The following VPS13C variants were observed in gnomAD, a reference collection of about 807,000 sequenced individuals.
The protein encoded by VPS13C is vacuolar protein sorting 13 homolog C.
A neutral mutation model predicts 456.8 loss-of-function variants in VPS13C; 358 were observed. That is an observed-to-expected ratio of 0.78 (90% confidence interval 0.72 to 0.86). The LOEUF is 0.86. VPS13C is among the 40% of genes least tolerant of loss of function. VPS13C has a pLI of 0.00. For synonymous variants in VPS13C, 1,578 were observed against 1,486.7 expected, an observed-to-expected ratio of 1.06 and a Z score of -1.41; for missense variants, 4,818 against 4,385.4, an observed-to-expected ratio of 1.10 and a Z score of -2.79.
chr15:62,044,833 G>A (rs1343737982), intron 1 of VPS13C, among the ~76,000 whole-genome samples: 3 of 151,900 alleles, frequency 2.0e-5, no homozygotes, highest in Admixed American at 2.0e-4. Context: ...CACTATCCCT[G>A]TATTTGTTGA....
At chr15:61,939,545 C>A (rs1318535548) in intron 47 of VPS13C, among the ~76,000 whole-genome samples, 1 of 152,118 alleles carries the variant, frequency 6.6e-6, no homozygotes, top group Non-Finnish European at 1.5e-5. Context: ...TTTGTTTAGT[C>A]TCTCTCACCC....
At position 61,902,244 on chromosome 15, in the gene VPS13C, T is replaced by G. The variant is rs993867151; in HGVS notation, c.9105+5020A>C. ...ACCTGCACAATGTGCACATGTACCC[T>G]AAAACTTAAAGTATAATAATAAAAG... On this transcript the variant is annotated intron_variant, in intron 66 of 84. Coordinates refer to ENST00000644861, the MANE Select transcript of VPS13C (RefSeq NM_020821.3). 2.0e-5 allele frequency among the ~76,000 whole-genome samples: 3 copies of G among 147,724 alleles called. No individual in the cohort carries two copies. The East Asian group carries it at 6.0e-4, about 29-fold the overall frequency.
intron 6 of VPS13C, 83 bp downstream of exon 6, chr15:62,028,275 C>T: frequency 7.1e-7 from 1 of 1,404,956 alleles, no homozygotes. Context: ...GGATGGCATG[C>T]CATCAAATGG....
At position 61,972,753 on chromosome 15, in the gene VPS13C, C is replaced by T. The variant is rs752621926; in HGVS notation, c.2629G>A (p.Glu877Lys). 51 of 1,609,936 alleles carry T rather than the reference C, an allele frequency of 3.2e-5. No homozygotes were observed. The highest frequency in any genetic ancestry group is 4.2e-5 in the Non-Finnish European group (49 of 1,178,186). ...LDTVESESDD[E>K]YFDAEDGEPQ... ...TCTCCATCTTCAGCATCAAAATACT[C>T]ATCATCAGACTCTAAAGGAAAAAGA... The change falls in exon 27 of 85, where the codon GAG becomes AAG. Residue 877 changes from glutamate to lysine, a missense_variant. Coordinates refer to ENST00000644861, the MANE Select transcript of VPS13C (RefSeq NM_020821.3).
intron 69 of VPS13C, among the ~76,000 whole-genome samples, chr15:61,882,308 G>A (rs1895915236): frequency 6.6e-6 from 1 of 152,062 alleles, no homozygotes; most frequent in Non-Finnish European, 1.5e-5. Flanking sequence ...GACGACAAAG[G>A]AAAATCTTAT....
intron 15 of VPS13C, 94 bp downstream of exon 15, chr15:62,007,214 T>G: frequency 3.9e-6 from 4 of 1,013,230 alleles, no homozygotes; most frequent in Non-Finnish European, 5.2e-6. Context: ...ATTCTGTTCT[T>G]CCTAAAATTA....
chr15:61,861,229 G>C (rs1024796056), intron 82 of VPS13C, among the ~76,000 whole-genome samples: 1 of 152,012 alleles, frequency 6.6e-6, no homozygotes, highest in African/African-American at 2.4e-5. Flanking sequence ...TCTCAAAAGT[G>C]CTGGGATTAC....
At chr15:62,031,898 T>C (rs540691918) in intron 5 of VPS13C, among the ~76,000 whole-genome samples, 1 of 151,894 alleles carries the variant, frequency 6.6e-6, no homozygotes, top group Non-Finnish European at 1.5e-5. Flanking sequence ...CCAATTAAAC[T>C]GTCAATCACG....
intron 17 of VPS13C, 44 bp downstream of exon 17, chr15:61,991,629 T>C: frequency 6.5e-7 from 1 of 1,531,708 alleles, no homozygotes; most frequent in Non-Finnish European, 8.8e-7. Context: ...ACAGTTTTTT[T>C]TTAACTTAAC....
intron 79 of VPS13C, among the ~76,000 whole-genome samples, chr15:61,870,020 A>G (rs1296709657): frequency 6.6e-6 from 1 of 152,162 alleles, no homozygotes; most frequent in Non-Finnish European, 1.5e-5. Context: ...TAGATTTTTC[A>G]AGGAGTGTGC....
intron 51 of VPS13C, among the ~76,000 whole-genome samples, chr15:61,928,643 G>A (rs1362397278): frequency 6.6e-6 from 1 of 152,132 alleles, no homozygotes; most frequent in African/African-American, 2.4e-5. Flanking sequence ...ACTTGGGGAG[G>A]CAGAGGCGGG....
intron 66 of VPS13C, among the ~76,000 whole-genome samples, chr15:61,899,397 C>G (rs1161346077): frequency 6.6e-6 from 1 of 150,860 alleles, no homozygotes; most frequent in Non-Finnish European, 1.5e-5. Flanking sequence ...ATCAAATAGA[C>G]GCAATAAAAA....
rs1308229371 is a variant in VPS13C, at chr15:61,942,166, T to C, written c.5149-99A>G. The C allele has an allele frequency of 4.7e-6, 5 of 1,070,028 alleles. No homozygotes were observed. In the African/African-American group the frequency reaches 4.8e-5, roughly 10 times the overall value. 66.3% of individuals were successfully genotyped at this position (1,070,028 alleles called of 1,614,324 possible). On this transcript the variant is annotated intron_variant, in intron 45 of 84. Coordinates refer to ENST00000644861, the MANE Select transcript of VPS13C (RefSeq NM_020821.3). Reference sequence around the variant, plus strand: ...CTTTAAAAACTAAATAAAAAAGTAATATAAAAGATGTTATTTATGATTTTG... The same window carrying C: ...CTTTAAAAACTAAATAAAAAAGTAACATAAAAGATGTTATTTATGATTTTG...
At chr15:62,027,439 C>T (rs987223119) in intron 6 of VPS13C, among the ~76,000 whole-genome samples, 3 of 152,072 alleles carry the variant, frequency 2.0e-5, no homozygotes, top group Non-Finnish European at 4.4e-5. Flanking sequence ...GGCACACTTA[C>T]GGAAGGAGTA....
Position 61,973,471 on chromosome 15 carries a change from A to T in VPS13C, c.2600T>A (p.Leu867Gln). ...TKGLLGTSLLLDTVESESDDE... is the reference protein window; with the variant it reads ...TKGLLGTSLLQDTVESESDDE... Reference sequence around the variant, plus strand: ...TTCCTTACCTGATTCCACAGTGTCTAGCAATAGTGAAGTACCAAGTAGACC... The same window carrying T: ...TTCCTTACCTGATTCCACAGTGTCTTGCAATAGTGAAGTACCAAGTAGACC... The change falls in exon 26 of 85, where the codon CTA becomes CAA. Residue 867 changes from leucine (L) to glutamine (Q), a missense_variant. Coordinates refer to ENST00000644861, the MANE Select transcript of VPS13C (RefSeq NM_020821.3). 6.2e-7 allele frequency: 1 copy of T among 1,612,056 alleles called. No individual in the cohort carries two copies. Among genetic ancestry groups the T allele is most frequent in the Non-Finnish European group, 8.5e-7 (1 of 1,178,384 alleles).
At chr15:62,029,209 C>G (rs1349149514) in intron 5 of VPS13C, among the ~76,000 whole-genome samples, 1 of 152,022 alleles carries the variant, frequency 6.6e-6, no homozygotes, top group African/African-American at 2.4e-5. Context: ...AAAATAGCAC[C>G]TATATCAAAT....
Position 61,942,544 on chromosome 15 carries a change from CTT to C in VPS13C, c.5149-479_5149-478del, listed in dbSNP as rs56793702. On this transcript the variant is annotated intron_variant, in intron 45 of 84. Coordinates refer to ENST00000644861, the MANE Select transcript of VPS13C (RefSeq NM_020821.3). ...TTCTGCCGGCTTATTTCTGATAAGG[CTT>C]TTTTTTTTTTTTTTATGTACTCAGC... Among the ~76,000 whole-genome samples the C allele has an allele frequency of 3.6e-3, 465 of 129,068 alleles. 1 individual carries two copies. Among genetic ancestry groups the C allele is most frequent in the African/African-American group, 0.012 (409 of 35,514 alleles). 84.7% of individuals were successfully genotyped at this position (129,068 alleles called of 152,430 possible).
At chr15:61,875,607 T>C (rs1895359764) in intron 76 of VPS13C, 125 bp downstream of exon 76, 13 of 682,458 alleles carry the variant, frequency 1.9e-5, no homozygotes, top group South Asian at 1.2e-4. Flanking sequence ...AAAATTGATA[T>C]ACTTTTGTGA....
chr15:61,877,007 A>G lies in VPS13C; in HGVS notation c.10190T>C (p.Leu3397Pro). The G allele has an allele frequency of 6.2e-7, 1 of 1,610,174 alleles. No homozygotes were observed. ...IRYQFYKRDQ[L>P]IWSVVRHYSE... Reference sequence around the variant, plus strand: ...GTAATGCCTAACAACACTCCATATAAGCTGATCTCTCTTGTAGAACTGATA... The same window carrying G: ...GTAATGCCTAACAACACTCCATATAGGCTGATCTCTCTTGTAGAACTGATA... Residue 3397 changes from leucine (L) to proline (P), a missense_variant, in exon 75 of 85, where the codon CTT becomes CCT. Around this residue, in one of 3 missense-constraint regions of VPS13C, gnomAD observed 4,552 missense variants for 4,130.6 expected, o/e 1.10. Coordinates refer to ENST00000644861, the MANE Select transcript of VPS13C (RefSeq NM_020821.3).
Sources: allele counts gnomAD v4.1 joint callset (sites outside exome capture counted in the v4.1 genomes callset), GRCh38; gene constraint gnomAD v4.1.1; regional missense constraint gnomAD v4.1.1; transcripts MANE v1.5; gene names NCBI Gene and HGNC (gene_info 2026-07-23, HGNC 2026-07-21).